NEXN: variants seen among roughly 807,000 people sequenced by gnomAD.
NEXN encodes the protein nexilin F-actin binding protein.
A neutral mutation model predicts 92.6 loss-of-function variants in NEXN; 65 were observed. The observed-to-expected ratio is 0.70, with a 90% CI of 0.57 to 0.86. The LOEUF (loss-of-function observed/expected upper bound fraction) is 0.86. Ranked by LOEUF, NEXN falls within the 40% of genes least tolerant of loss-of-function variation. NEXN has a pLI of 0.00. For missense variants in NEXN, 778 were observed against 771.1 expected, an observed-to-expected ratio of 1.01 and a Z score of -0.11; for synonymous variants, 254 against 242.5, an observed-to-expected ratio of 1.05 and a Z score of -0.44.
chr1:77,917,429 T>C, intron 2 of NEXN, 137 bp from the exon 3 acceptor site: 1 of 679,374 alleles, frequency 1.5e-6, no homozygotes. Context: ...GTTGTGATGG[T>C]CAAATAAAGG....
intron 1 of NEXN, among the ~76,000 whole-genome samples, chr1:77,901,227 A>G (rs1647681538): frequency 6.6e-6 from 1 of 152,198 alleles, no homozygotes; most frequent in African/African-American, 2.4e-5. Flanking sequence ...AGAGACTTCA[A>G]TCAAAACAAC....
intron 1 of NEXN, among the ~76,000 whole-genome samples, chr1:77,902,807 G>T (rs113031735): frequency 2.6e-5 from 4 of 152,136 alleles, no homozygotes; most frequent in African/African-American, 9.7e-5. Context: ...AGAAATCTAA[G>T]CATATTTAGA....
chr1:77,908,520 C>T (rs1408315036), intron 1 of NEXN, among the ~76,000 whole-genome samples: 3 of 151,684 alleles, frequency 2.0e-5, no homozygotes, highest in Non-Finnish European at 4.4e-5. Context: ...CCTGCCTCAG[C>T]CTCCCGAGTA....
chr1:77,942,383 T>A, intron 12 of NEXN, 78 bp from the exon 13 acceptor site: 2 of 1,532,370 alleles, frequency 1.3e-6, no homozygotes, highest in Non-Finnish European at 1.8e-6. Flanking sequence ...AAAAAAAAAT[T>A]TCATTTCAAA....
At chr1:77,921,696 G>C (rs922310894) in intron 5 of NEXN, among the ~76,000 whole-genome samples, 14 of 152,128 alleles carry the variant, frequency 9.2e-5, no homozygotes, top group Non-Finnish European at 2.1e-4. Context: ...GACTGCTTGA[G>C]CTCAGGAGCT....
chr1:77,900,597 G>C (rs928531959), intron 1 of NEXN, among the ~76,000 whole-genome samples: 8 of 152,208 alleles, frequency 5.3e-5, no homozygotes, highest in African/African-American at 1.9e-4. Flanking sequence ...TTGATAAATT[G>C]TGTATGGGTT....
intron 11 of NEXN, among the ~76,000 whole-genome samples, chr1:77,937,053 T>C (rs1217564116): frequency 6.6e-6 from 1 of 152,188 alleles, no homozygotes; most frequent in Non-Finnish European, 1.5e-5. Context: ...CTCACACCTG[T>C]AGTCTCAGCA....
chr1:77,936,114 G>T, intron 11 of NEXN, 70 bp downstream of exon 11: 1 of 1,220,818 alleles, frequency 8.2e-7, no homozygotes, highest in East Asian at 2.4e-5. Context: ...AGTAACATTG[G>T]CTTTGAAATA....
At chr1:77,937,619 G>A (rs929307266) in intron 11 of NEXN, among the ~76,000 whole-genome samples, 14 of 152,170 alleles carry the variant, frequency 9.2e-5, no homozygotes, top group African/African-American at 3.1e-4. Context: ...AACCCGGGAG[G>A]TGGAGACTGC....
chr1:77,902,072 A>G (rs1647760872), intron 1 of NEXN, among the ~76,000 whole-genome samples: 1 of 152,202 alleles, frequency 6.6e-6, no homozygotes, highest in Non-Finnish European at 1.5e-5. Flanking sequence ...GTAGTAGCCT[A>G]TATACTGTAC....
In NEXN at chr1:77,926,617, T is replaced by C. The variant is rs374820740; in HGVS notation, c.687+6T>C. ...AGTGTCTTTCATTAGTTATGGTAAA[T>C]TTTTGTTTGTTTGTTTTCTAAGAAA... On this transcript the variant is annotated splice_donor_region_variant and intron_variant, in intron 7 of 12. Coordinates refer to ENST00000334785, the MANE Select transcript of NEXN (RefSeq NM_144573.4). 6.2e-7 allele frequency: 1 copy of C among 1,613,888 alleles called. No individual in the cohort carries two copies. Among genetic ancestry groups the C allele is most frequent in the African/African-American group, 1.3e-5 (1 of 74,990 alleles).
intron 1 of NEXN, among the ~76,000 whole-genome samples, chr1:77,913,236 G>T (rs569288102): frequency 5.3e-5 from 8 of 152,034 alleles, no homozygotes; most frequent in African/African-American, 9.7e-5. Context: ...CCAATATAGC[G>T]AAACCCCATC....
chr1:77,896,794 T>A (rs1647282318), intron 1 of NEXN, among the ~76,000 whole-genome samples: 1 of 149,614 alleles, frequency 6.7e-6, no homozygotes, highest in Non-Finnish European at 1.5e-5. Context: ...GAGAGAAGAA[T>A]CAAATAGATG....
At chr1:77,896,852 C>A (rs1647287461) in intron 1 of NEXN, among the ~76,000 whole-genome samples, 1 of 151,792 alleles carries the variant, frequency 6.6e-6, no homozygotes, top group South Asian at 2.1e-4. Context: ...CACAGAAATA[C>A]AAACTACCAT....
chr1:77,899,367 A>G (rs895652001), intron 1 of NEXN, among the ~76,000 whole-genome samples: 2 of 152,088 alleles, frequency 1.3e-5, no homozygotes, highest in Admixed American at 1.3e-4. Context: ...AGGGACATGG[A>G]TGAAACTGGA....
At chr1:77,904,810 T>C (rs926903891) in intron 1 of NEXN, among the ~76,000 whole-genome samples, 6 of 152,180 alleles carry the variant, frequency 3.9e-5, no homozygotes, top group African/African-American at 1.4e-4. Context: ...TGTTTGCAAA[T>C]AGCAAATCAG....
intron 11 of NEXN, among the ~76,000 whole-genome samples, chr1:77,940,631 T>C (rs1478961676): frequency 2.0e-5 from 3 of 152,212 alleles, no homozygotes; most frequent in South Asian, 2.1e-4. Context: ...GCAATTATTG[T>C]ACCTGCTGAA....
rs777019202 is a variant in NEXN at position 77,926,837 on chromosome 1, C to G, written c.809C>G (p.Ala270Gly). 2 of 1,613,878 alleles carry G rather than the reference C, an allele frequency of 1.2e-6. No homozygotes were observed. Among genetic ancestry groups the G allele is most frequent in the South Asian group, 2.2e-5 (2 of 91,072 alleles). ...CGAAAGAAGCAAGCTGAAGAGGAAG[C>G]AAGAAAACGTTTAGAAGAAGAGAAG... ...ENRKKQAEEE[A>G]RKRLEEEKRA... Residue 270 changes from alanine to glycine, a missense_variant, in exon 8 of 13, where the codon GCA becomes GGA. Around this residue, in one of 3 missense-constraint regions of NEXN, gnomAD observed 532 missense variants for 476.7 expected, o/e 1.12. Transcript: ENST00000334785.
intron 1 of NEXN, among the ~76,000 whole-genome samples, chr1:77,899,070 C>T (rs1235868005): frequency 6.6e-6 from 1 of 152,152 alleles, no homozygotes; most frequent in Admixed American, 6.6e-5. Context: ...GGACTGTAAA[C>T]TAGTTCAACT....
Sources: allele counts gnomAD v4.1 joint callset (sites outside exome capture counted in the v4.1 genomes callset), GRCh38; gene constraint gnomAD v4.1.1; regional missense constraint gnomAD v4.1.1; transcripts MANE v1.5; gene names NCBI Gene and HGNC (gene_info 2026-07-23, HGNC 2026-07-21).